Variants in BRD2 observed in about 807,000 individuals in gnomAD.
BRD2 encodes bromodomain-containing protein 2.
In BRD2, 15 loss-of-function variants were observed where a neutral mutation model predicts 79.1. The observed-to-expected ratio is 0.19, with a 90% confidence interval of 0.13 to 0.29. BRD2 has a LOEUF of 0.29. Among genes scored for constraint, BRD2 ranks in the 10% least tolerant of loss-of-function variants. The pLI, the probability that BRD2 is intolerant of heterozygous loss-of-function variation, is 1.00. For missense variants in BRD2, 1,053 were observed against 991.3 expected (o/e 1.06, Z -0.84); for synonymous variants, 488 against 358.6 (o/e 1.36, Z -4.08).
rs1001874955 is a variant in BRD2, at chr6:32,972,709, G to T, written c.-190G>T. ...CGCCGTCTGCAGAGCGCGCCAAGCT[G>T]CCCGGAGCTCTCCGAGAGGCCCCAA... On this transcript the variant is annotated 5_prime_UTR_variant, in exon 2 of 13. Coordinates refer to ENST00000374825, the MANE Select transcript of BRD2 (RefSeq NM_005104.4). 1.4e-4 allele frequency: 116 copies of T among 807,658 alleles called. No homozygotes were observed. Among genetic ancestry groups the T allele is most frequent in the Admixed American group, 3.5e-4 (13 of 37,658 alleles). 50.0% of individuals were successfully genotyped at this position (807,658 alleles called of 1,614,324 possible). A position where few individuals can be genotyped will look rare whatever the true frequency, so the allele number is the denominator to read the frequency against.
chr6:32,973,077 C>A, intron 2 of BRD2, 150 bp downstream of exon 2: 1 of 1,583,216 alleles, frequency 6.3e-7, no homozygotes, highest in Non-Finnish European at 8.6e-7. Context: ...AATTGAGCGA[C>A]GGTTTTGGAA....
rs773325794 is a variant in BRD2, at chr6:32,977,817, C to T, written c.1390C>T (p.Pro464Ser). The T allele has an allele frequency of 6.2e-7, 1 of 1,613,096 alleles. No homozygotes were observed. The highest frequency in any genetic ancestry group is 1.1e-5 in the South Asian group (1 of 91,082). ...PDEPLEPGPL[P>S]VSTAMPPGLA... ...TGAACCACTAGAACCAGGGCCTTTA[C>T]CAGTCTCTACTGCCATGCCCCCTGG... The change falls in exon 9 of 13, where the codon CCA (proline) becomes TCA (serine). Residue 464 changes from proline to serine, a missense_variant. Transcript: ENST00000374825.
chr6:32,973,083 T>G (rs1221345649), intron 2 of BRD2, 156 bp downstream of exon 2: 2 of 1,577,554 alleles, frequency 1.3e-6, no homozygotes, highest in Non-Finnish European at 1.7e-6. Context: ...GCGACGGTTT[T>G]GGAACGGTGG....
At position 32,979,930 on chromosome 6, in the gene BRD2, G is replaced by A. The variant is rs2127526692; in HGVS notation, c.1944G>A (p.Arg648=). The part of the protein sequence containing the change: ...ESRPMSYDEK[R]QLSLDINKLP... ...GGCCCATGAGTTACGATGAGAAGCG[G>A]CAGCTGAGCCTGGACATCAACAAAT... The change falls in exon 11 of 13, where the codon CGG becomes CGA. Residue 648 remains arginine, a synonymous_variant. Coordinates refer to ENST00000374825, the MANE Select transcript of BRD2 (RefSeq NM_005104.4). The A allele has an allele frequency of 6.2e-7, 1 of 1,613,224 alleles. No homozygotes were observed. The highest frequency in any genetic ancestry group is 1.3e-5 in the African/African-American group (1 of 75,034).
chr6:32,974,096 G>C (rs1353287165), intron 2 of BRD2, among the ~76,000 whole-genome samples: 1 of 152,034 alleles, frequency 6.6e-6, no homozygotes, highest in African/African-American at 2.4e-5. Context: ...GAGGAAGCTT[G>C]GGGTTTGAGT....
chr6:32,973,565 A>G (rs1778320834), intron 2 of BRD2, among the ~76,000 whole-genome samples: 1 of 152,128 alleles, frequency 6.6e-6, no homozygotes, highest in African/African-American at 2.4e-5. Context: ...GTAAACAATG[A>G]GATTCCCATA....
Position 32,972,248 on chromosome 6 carries a change from G to T in BRD2, c.-651G>T, listed in dbSNP as rs1248454454. 4 of 471,920 alleles carry T rather than the reference G, an allele frequency of 8.5e-6. No individual in the cohort carries two copies. The allele number at this position is 471,920 out of a possible 1,614,324, so 29.2% of individuals were successfully genotyped here. A position where few individuals can be genotyped will look rare whatever the true frequency, so the allele number is the denominator to read the frequency against. On this transcript the variant is annotated 5_prime_UTR_variant, in exon 2 of 13. Coordinates refer to ENST00000374825, the MANE Select transcript of BRD2 (RefSeq NM_005104.4). ...CCTCTAGAACGAGCTGGAGGATTCT[G>T]CCTACCGATACAGAGCCTTCGAGTC...
At chr6:32,969,526 G>C (rs1415847465) in intron 1 of BRD2, among the ~76,000 whole-genome samples, 2 of 152,220 alleles carry the variant, frequency 1.3e-5, no homozygotes, top group Admixed American at 1.3e-4. Context: ...TCTGGAGGGA[G>C]CATTGCTGTG....
intron 1 of BRD2, chr6:32,971,108 G>A (rs16871256): frequency 0.023 from 3,574 of 152,694 alleles, 60 homozygotes; most frequent in South Asian, 0.038. Flanking sequence ...GAGCTCGCCT[G>A]GAGGGGGAGG....
Position 32,969,045 on chromosome 6 carries a change from T to A in BRD2, c.-1316T>A, listed in dbSNP as rs1438630089. 7 of 408,306 alleles carry A rather than the reference T, an allele frequency of 1.7e-5. No homozygotes were observed. The highest frequency in any genetic ancestry group is 3.1e-5 in the Non-Finnish European group (7 of 222,648). The allele number at this position is 408,306 out of a possible 1,614,324, so 25.3% of individuals were successfully genotyped here. A position where few individuals can be genotyped will look rare whatever the true frequency, so the allele number is the denominator to read the frequency against. The stretch of plus-strand genomic sequence containing the variant: ...CAACTTTGGAGGCCCCCTGGAAGGC[T>A]TTAGGATCCAGGTGAGAAGGGGCCC... On this transcript the variant is annotated 5_prime_UTR_variant, in exon 1 of 13. Transcript: ENST00000374825.
chr6:32,975,705 G>T (rs1481931767), intron 4 of BRD2, among the ~76,000 whole-genome samples, 184 bp downstream of exon 4: 1 of 152,236 alleles, frequency 6.6e-6, no homozygotes, highest in Non-Finnish European at 1.5e-5. Flanking sequence ...TGACTTCAGA[G>T]CTCTAGTTGA....
In BRD2 at chr6:32,980,818, C is replaced by T; in HGVS notation, c.*100C>T. On this transcript the variant is annotated 3_prime_UTR_variant, in exon 13 of 13. Transcript: ENST00000374825. Reference sequence around the variant, plus strand: ...CCCCTTTGCTGTGACACTTCTTCATCTCACCCCCCCCCGCCCCCCTCTAGG... The same window carrying T: ...CCCCTTTGCTGTGACACTTCTTCATTTCACCCCCCCCCGCCCCCCTCTAGG... The T allele has an allele frequency of 2.1e-6, 3 of 1,418,334 alleles. No individual in the cohort carries two copies. Among genetic ancestry groups the T allele is most frequent in the Non-Finnish European group, 2.9e-6 (3 of 1,032,024 alleles). The allele number at this position is 1,418,334 out of a possible 1,614,324, so 87.9% of individuals were successfully genotyped here. A position where few individuals can be genotyped will look rare whatever the true frequency, so the allele number is the denominator to read the frequency against.
intron 11 of BRD2, 61 bp from the exon 12 acceptor site, chr6:32,980,281 G>GGGGCC (rs1470555248): frequency 6.9e-6 from 11 of 1,601,788 alleles, no homozygotes; most frequent in Admixed American, 3.5e-5. Flanking sequence ...GGGAACCTTA[G>GGGGCC]GGGCCCATAA....
Position 32,980,577 on chromosome 6 carries a change from T to G in BRD2, c.2270-5T>G. On this transcript the variant is annotated splice_polypyrimidine_tract_variant and splice_region_variant and intron_variant, in intron 12 of 12. Coordinates refer to ENST00000374825, the MANE Select transcript of BRD2 (RefSeq NM_005104.4). ...ACGTCTTTAACTTTCGAATTTGTTC[T>G]GCAGCGAATGAGAAAACAGAGTCAT... is the stretch of plus-strand genomic sequence containing the variant. 1 of 1,613,160 alleles carries G rather than the reference T, an allele frequency of 6.2e-7. No individual in the cohort carries two copies. Among genetic ancestry groups the G allele is most frequent in the Non-Finnish European group, 8.5e-7 (1 of 1,180,038 alleles).
chr6:32,972,740 C>T lies in BRD2; in HGVS notation c.-159C>T, dbSNP rs1272829621. ...AGCTCTCCGAGAGGCCCCAAAGAGA[C>T]TGCTTTCGTGCCGGCCAGGCAGGGG... On this transcript the variant is annotated 5_prime_UTR_variant, in exon 2 of 13. Transcript: ENST00000374825. The T allele has an allele frequency of 5.4e-6, 6 of 1,110,220 alleles. No homozygotes were observed. Among genetic ancestry groups the T allele is most frequent in the Admixed American group, 2.0e-5 (1 of 50,528 alleles). 68.8% of individuals were successfully genotyped at this position (1,110,220 alleles called of 1,614,324 possible).
intron 7 of BRD2, chr6:32,977,221 GC>G: frequency 6.6e-7 from 1 of 1,521,022 alleles, no homozygotes; most frequent in Non-Finnish European, 8.8e-7. Context: ...ACAGGCATAG[GC>G]CACCTCTCTG....
Position 32,975,901 on chromosome 6 carries a change from A to G in BRD2, c.472-130A>G, listed in dbSNP as rs1175093731. On this transcript the variant is annotated intron_variant, in intron 4 of 12. Transcript: ENST00000374825. ...CCTGGAGTAGGAAATTTTCTTTAAG[A>G]TTTGATGACAAGATGACTGGTGGGG... 3.3e-5 allele frequency: 37 copies of G among 1,121,620 alleles called. 1 individual carries two copies. The Middle Eastern group carries it at 1.3e-3, about 39-fold the overall frequency. The allele number at this position is 1,121,620 out of a possible 1,614,324, so 69.5% of individuals were successfully genotyped here.
At chr6:32,975,833 G>A (rs1014257994) in intron 4 of BRD2, among the ~76,000 whole-genome samples, 198 bp from the exon 5 acceptor site, 1 of 151,942 alleles carries the variant, frequency 6.6e-6, no homozygotes, top group Non-Finnish European at 1.5e-5. Flanking sequence ...TTCTTCTTTC[G>A]AATTTTGGGA....
At chr6:32,973,097 C>T (rs1182266439) in intron 2 of BRD2, 170 bp downstream of exon 2, 12 of 1,564,920 alleles carry the variant, frequency 7.7e-6, no homozygotes, top group East Asian at 2.4e-5. Flanking sequence ...ACGGTGGTGG[C>T]GGCTCGGCTA....
Sources: allele counts gnomAD v4.1 joint callset (sites outside exome capture counted in the v4.1 genomes callset), GRCh38; gene constraint gnomAD v4.1.1; transcripts MANE v1.5; gene names NCBI Gene and HGNC (gene_info 2026-07-23, HGNC 2026-07-21).